QTMAN: variants seen among roughly 807,000 people sequenced by gnomAD.
QTMAN encodes queuosine-tRNA mannosyltransferase, also known as tRNA-queuosine alpha-mannosyltransferase.
chr2:144,117,075 T>A, the QTMAN span, among the ~76,000 whole-genome samples: 1 of 152,182 alleles, frequency 6.6e-6, no homozygotes, highest in Admixed American at 6.5e-5. Context: ...AGTTCTCCTA[T>A]GGACAGCACC....
the QTMAN span, among the ~76,000 whole-genome samples, chr2:144,071,972 CT>C: frequency 6.6e-6 from 1 of 152,128 alleles, no homozygotes; most frequent in African/African-American, 2.4e-5. Context: ...CCAGAAAAAG[CT>C]TTGCATCTGT....
the QTMAN span, among the ~76,000 whole-genome samples, chr2:144,182,818 T>TAA: frequency 1.7e-5 from 1 of 60,062 alleles, no homozygotes; most frequent in Non-Finnish European, 2.6e-5. Context: ...AATATATATA[T>TAA]TATATATATA....
the QTMAN span, among the ~76,000 whole-genome samples, chr2:144,160,654 G>C: frequency 6.6e-6 from 1 of 152,138 alleles, no homozygotes; most frequent in South Asian, 2.1e-4. Context: ...TACCTCAGTA[G>C]ATGATCAAGA....
At chr2:144,091,097 G>A in the QTMAN span, among the ~76,000 whole-genome samples, 11 of 151,904 alleles carry the variant, frequency 7.2e-5, no homozygotes, top group South Asian at 6.2e-4. Context: ...AAGTAGAGGC[G>A]ACTAGCCTGA....
chr2:143,976,917 T>C, the QTMAN span, among the ~76,000 whole-genome samples: 2 of 152,194 alleles, frequency 1.3e-5, no homozygotes, highest in East Asian at 3.8e-4. Context: ...CAGAAAGAAC[T>C]GGCTCTGCCT....
At chr2:143,983,468 G>GTTTTTTT in the QTMAN span, among the ~76,000 whole-genome samples, 5 of 115,998 alleles carry the variant, frequency 4.3e-5, no homozygotes, top group Admixed American at 9.4e-5. Flanking sequence ...CATTTTTGAG[G>GTTTTTTT]TTTTTTTTTT....
chr2:144,206,409 T>C, the QTMAN span, among the ~76,000 whole-genome samples: 2 of 152,238 alleles, frequency 1.3e-5, no homozygotes, highest in Non-Finnish European at 2.9e-5. Flanking sequence ...TGCACGCATT[T>C]GTAAACTTAG....
the QTMAN span, among the ~76,000 whole-genome samples, chr2:144,126,061 A>T: frequency 2.0e-5 from 3 of 152,002 alleles, no homozygotes; most frequent in African/African-American, 7.2e-5. Flanking sequence ...GATAGCCAGA[A>T]AATTATACAA....
chr2:144,034,518 A>C, the QTMAN span, among the ~76,000 whole-genome samples: 1 of 152,232 alleles, frequency 6.6e-6, no homozygotes, highest in Non-Finnish European at 1.5e-5. Flanking sequence ...TCATTTAAAA[A>C]ATGAGATTGC....
the QTMAN span, among the ~76,000 whole-genome samples, chr2:143,998,479 C>T: frequency 1.3e-5 from 2 of 150,830 alleles, no homozygotes; most frequent in African/African-American, 4.9e-5. Flanking sequence ...TGCTGTGCTA[C>T]CTTGGAATTT....
the QTMAN span, among the ~76,000 whole-genome samples, chr2:144,007,894 G>A: frequency 6.6e-6 from 1 of 151,956 alleles, no homozygotes; most frequent in Admixed American, 6.6e-5. Context: ...TTATTTTCAG[G>A]CCATACTTGT....
the QTMAN span, among the ~76,000 whole-genome samples, chr2:144,282,673 T>C: frequency 6.6e-6 from 1 of 152,030 alleles, no homozygotes; most frequent in Non-Finnish European, 1.5e-5. Flanking sequence ...TTGGTCTCTG[T>C]CCCTGGTTCC....
the QTMAN span, among the ~76,000 whole-genome samples, chr2:144,146,534 C>T: frequency 1.3e-5 from 2 of 151,702 alleles, no homozygotes; most frequent in African/African-American, 2.4e-5. Flanking sequence ...GTGCCAGGGT[C>T]TAACCAGGAA....
At chr2:144,069,082 G>T in the QTMAN span, among the ~76,000 whole-genome samples, 11 of 152,110 alleles carry the variant, frequency 7.2e-5, no homozygotes, top group African/African-American at 2.6e-4. Flanking sequence ...TAAAATCCAA[G>T]TGACCACCAC....
At chr2:144,064,672 C>G in the QTMAN span, among the ~76,000 whole-genome samples, 1 of 152,078 alleles carries the variant, frequency 6.6e-6, no homozygotes, top group East Asian at 1.9e-4. Flanking sequence ...TTAGGGCAAG[C>G]TTTATATAAA....
chr2:143,993,943 G>A, the QTMAN span, among the ~76,000 whole-genome samples: 2 of 152,236 alleles, frequency 1.3e-5, no homozygotes, highest in South Asian at 4.2e-4. Flanking sequence ...TTAGAAAATG[G>A]CAAGGACACT....
At chr2:144,284,872 A>C in the QTMAN span, among the ~76,000 whole-genome samples, 2 of 152,100 alleles carry the variant, frequency 1.3e-5, no homozygotes, top group Non-Finnish European at 2.9e-5. Flanking sequence ...ATCTCTATAA[A>C]AAAATTTTAG....
chr2:144,130,480 G>C, the QTMAN span, among the ~76,000 whole-genome samples: 2 of 151,888 alleles, frequency 1.3e-5, no homozygotes, highest in Non-Finnish European at 2.9e-5. Flanking sequence ...TAAAAATACT[G>C]AAGTTGAGCT....
At chr2:144,055,896 A>G in the QTMAN span, among the ~76,000 whole-genome samples, 2 of 152,178 alleles carry the variant, frequency 1.3e-5, no homozygotes, top group Non-Finnish European at 2.9e-5. Flanking sequence ...TATATATACA[A>G]TGGTTAGAAT....
Sources: gnomAD v4.1 joint callset for allele counts (sites outside exome capture counted in the v4.1 genomes callset) on GRCh38, gnomAD v4.1.1 for gene constraint, MANE v1.5 for transcripts, NCBI Gene and HGNC (gene_info 2026-07-23, HGNC 2026-07-21) for gene names.